PTPRD: variants seen among roughly 807,000 people sequenced by gnomAD.
PTPRD encodes the protein protein tyrosine phosphatase receptor type D.
In PTPRD, 34 loss-of-function variants were observed where a neutral mutation model predicts 214.5. The ratio of observed to expected loss-of-function variants is 0.16; its 90% CI spans 0.12 to 0.21. The LOEUF is 0.21. Ranked by LOEUF, PTPRD falls within the 10% of genes least tolerant of loss-of-function variation. The probability of loss-of-function intolerance (pLI) is 1.00; values close to 1 mark genes in which losing one functional copy is unlikely to be tolerated. For synonymous variants in PTPRD, 1,128 were observed against 845.7 expected (o/e 1.33, Z -5.79); for missense variants, 2,545 against 2,398.7 (o/e 1.06, Z -1.27).
intron 9 of PTPRD, among the ~76,000 whole-genome samples, chr9:9,359,665 A>G (rs1003313888): frequency 2.0e-5 from 3 of 151,248 alleles, no homozygotes; most frequent in Non-Finnish European, 4.4e-5. Flanking sequence ...TGGAACTCAT[A>G]TACCTCATTT....
rs183990754 is a variant in PTPRD at position 10,480,171 on chromosome 9, T to C, written c.-600+132227A>G. Among the ~76,000 whole-genome samples, 352 of 152,238 alleles carry C rather than the reference T, an allele frequency of 2.3e-3. 1 individual carries two copies. Among genetic ancestry groups the C allele is most frequent in the African/African-American group, 7.9e-3 (328 of 41,548 alleles). ...GATAAATTCAACCCCATGGCAAGTG[T>C]GCCACACTCAGATGATGTCCTATTC... On this transcript the variant is annotated intron_variant, in intron 2 of 45. Transcript: ENST00000381196.
chr9:9,000,479 C>G (rs541254705), intron 11 of PTPRD, among the ~76,000 whole-genome samples: 1 of 151,942 alleles, frequency 6.6e-6, no homozygotes, highest in Non-Finnish European at 1.5e-5. Flanking sequence ...CTTGTTATAA[C>G]TTCACTTTAA....
chr9:9,978,039 A>G (rs564037883), intron 4 of PTPRD, among the ~76,000 whole-genome samples: 9 of 152,136 alleles, frequency 5.9e-5, no homozygotes, highest in Non-Finnish European at 1.3e-4. Flanking sequence ...ATCAAAGTAT[A>G]ACTTTTCTCA....
At chr9:9,074,957 C>T (rs1454836440) in intron 10 of PTPRD, among the ~76,000 whole-genome samples, 1 of 150,072 alleles carries the variant, frequency 6.7e-6, no homozygotes, top group African/African-American at 2.4e-5. Flanking sequence ...TCACAGATCA[C>T]TGACAATATA....
intron 9 of PTPRD, among the ~76,000 whole-genome samples, chr9:9,286,117 G>C (rs966406395): frequency 1.3e-5 from 2 of 151,612 alleles, no homozygotes; most frequent in African/African-American, 4.8e-5. Context: ...TGACAACCCG[G>C]ATATTCTATC....
At chr9:10,367,260 C>T (rs990803960) in intron 2 of PTPRD, among the ~76,000 whole-genome samples, 5 of 152,094 alleles carry the variant, frequency 3.3e-5, no homozygotes, top group African/African-American at 1.2e-4. Flanking sequence ...CCAAAGCCTT[C>T]CACTGTCTTT....
At chr9:9,189,784 G>C (rs1454465513) in intron 9 of PTPRD, among the ~76,000 whole-genome samples, 1 of 151,994 alleles carries the variant, frequency 6.6e-6, no homozygotes, top group Non-Finnish European at 1.5e-5. Context: ...ATGCACTCAG[G>C]TGGATGTGAA....
intron 5 of PTPRD, among the ~76,000 whole-genome samples, chr9:9,893,622 T>C (rs1236170582): frequency 6.6e-6 from 1 of 152,128 alleles, no homozygotes; most frequent in Non-Finnish European, 1.5e-5. Flanking sequence ...TGTTTTGACA[T>C]TGGAGAATTG....
At chr9:9,138,900 T>C (rs976121031) in intron 10 of PTPRD, among the ~76,000 whole-genome samples, 11 of 152,188 alleles carry the variant, frequency 7.2e-5, no homozygotes, top group Admixed American at 3.9e-4. Flanking sequence ...CAATTAATGT[T>C]ATATTTGGTT....
chr9:8,501,431 A>G (rs1183779987), intron 23 of PTPRD, among the ~76,000 whole-genome samples: 1 of 152,130 alleles, frequency 6.6e-6, no homozygotes, highest in Non-Finnish European at 1.5e-5. Context: ...AAAAGCTGCA[A>G]ATAGTGCTAG....
chr9:9,216,703 C>A (rs574861074), intron 9 of PTPRD, among the ~76,000 whole-genome samples: 1 of 152,214 alleles, frequency 6.6e-6, no homozygotes, highest in East Asian at 1.9e-4. Context: ...TGTTTTGTGC[C>A]TTATCTTTCT....
intron 7 of PTPRD, among the ~76,000 whole-genome samples, chr9:9,677,969 A>G (rs188505246): frequency 0.015 from 2,274 of 152,244 alleles, 60 homozygotes; most frequent in Middle Eastern, 0.11. Context: ...CCCATTCACA[A>G]TTGCTTCAAA....
chr9:8,429,021 C>T (rs1030640715), intron 35 of PTPRD, among the ~76,000 whole-genome samples: 3 of 152,146 alleles, frequency 2.0e-5, no homozygotes, highest in African/African-American at 4.8e-5. Context: ...CAGGAGTGAA[C>T]AAATTATCTA....
chr9:8,576,848 C>T (rs920346729), intron 14 of PTPRD, among the ~76,000 whole-genome samples: 2 of 152,172 alleles, frequency 1.3e-5, no homozygotes, highest in African/African-American at 4.8e-5. Flanking sequence ...TGGTGACTCT[C>T]TTCCTTAGTG....
intron 3 of PTPRD, among the ~76,000 whole-genome samples, chr9:10,109,702 G>T (rs1430188034): frequency 4.1e-4 from 63 of 152,144 alleles, no homozygotes; most frequent in Admixed American, 4.1e-3. Flanking sequence ...GTTGAGTGAT[G>T]GGGTGTCTGA....
intron 34 of PTPRD, among the ~76,000 whole-genome samples, chr9:8,440,174 T>C (rs1220433904): frequency 2.0e-5 from 3 of 152,116 alleles, no homozygotes; most frequent in Admixed American, 1.3e-4. Flanking sequence ...TATTCTTGAA[T>C]CCTCTCTAAC....
chr9:9,803,551 T>C (rs771080314), intron 5 of PTPRD, among the ~76,000 whole-genome samples: 13 of 151,974 alleles, frequency 8.6e-5, no homozygotes, highest in Non-Finnish European at 1.5e-4. Flanking sequence ...TAAAACTTCA[T>C]GGCCAGCAGA....
At chr9:9,467,213 CTTT>C (rs35659936) in intron 8 of PTPRD, among the ~76,000 whole-genome samples, 2 of 92,900 alleles carry the variant, frequency 2.2e-5, no homozygotes, top group Admixed American at 1.2e-4. Flanking sequence ...GTTCATTTAT[CTTT>C]TTTTTTTTTT....
At chr9:8,992,508 G>A (rs919421705) in intron 11 of PTPRD, among the ~76,000 whole-genome samples, 6 of 152,016 alleles carry the variant, frequency 3.9e-5, no homozygotes, top group East Asian at 1.9e-4. Context: ...TAAGACCTTC[G>A]GCTATTCTAT....
Sources: allele counts gnomAD v4.1 joint callset (sites outside exome capture counted in the v4.1 genomes callset), GRCh38; gene constraint gnomAD v4.1.1; transcripts MANE v1.5; gene names NCBI Gene and HGNC (gene_info 2026-07-23, HGNC 2026-07-21).